COL11A1: variants seen among roughly 807,000 people sequenced by gnomAD.
COL11A1 encodes collagen alpha-1(XI) chain.
A neutral mutation model predicts 265.2 loss-of-function variants in COL11A1; 74 were observed. That is an observed-to-expected ratio of 0.28 (90% confidence interval 0.23 to 0.34). COL11A1 has a LOEUF of 0.34. Among genes scored for constraint, COL11A1 ranks in the 10% least tolerant of loss-of-function variants. The probability of loss-of-function intolerance (pLI) is 1.00; values close to 1 mark genes in which losing one functional copy is unlikely to be tolerated. For missense variants in COL11A1, 2,165 were observed against 2,263.6 expected (o/e 0.96, Z 0.88); for synonymous variants, 816 against 727.6 (o/e 1.12, Z -1.96).
intron 36 of COL11A1, 112 bp from the exon 37 acceptor site, chr1:102,970,384 T>C: frequency 1.3e-6 from 1 of 745,784 alleles, no homozygotes; most frequent in Non-Finnish European, 2.2e-6. Flanking sequence ...TTAGCTATTT[T>C]ACTTTGCTCT....
chr1:103,048,510 T>C (rs968447467), intron 4 of COL11A1, among the ~76,000 whole-genome samples: 12 of 152,208 alleles, frequency 7.9e-5, no homozygotes, highest in African/African-American at 2.9e-4. Flanking sequence ...TTAGTCTTGC[T>C]AGCAGTCTAT....
At chr1:102,911,696 G>C (rs184575489) in intron 54 of COL11A1, among the ~76,000 whole-genome samples, 1 of 152,086 alleles carries the variant, frequency 6.6e-6, no homozygotes, top group Non-Finnish European at 1.5e-5. Flanking sequence ...TACTGTTTCC[G>C]AGCCAGAGAA....
chr1:103,010,092 G>C (rs370022475), intron 14 of COL11A1, among the ~76,000 whole-genome samples: 1 of 151,922 alleles, frequency 6.6e-6, no homozygotes, highest in Admixed American at 6.6e-5. Flanking sequence ...TAAAATAATA[G>C]GGAAAAAACA....
At position 102,898,161 on chromosome 1, in the gene COL11A1, A is replaced by G. The variant is rs1363516634; in HGVS notation, c.4266T>C (p.Pro1422=). The change falls in exon 57 of 67, where the codon CCT becomes CCC. Residue 1422 remains proline (P), a synonymous_variant. Transcript: ENST00000370096. ...GTGGTCCATCTTGGCCTGCAGCTCCAGGGAGACCTTGTTCTCCCTAGAGAA... is the reference window on the plus strand; with the variant it reads ...GTGGTCCATCTTGGCCTGCAGCTCCGGGGAGACCTTGTTCTCCCTAGAGAA... The part of the protein sequence containing the change: ...IPGPVGEQGL[P]GAAGQDGPPG... 5.4e-6 allele frequency: 8 copies of G among 1,478,340 alleles called. No homozygotes were observed. The highest frequency in any genetic ancestry group is 7.2e-6 in the Non-Finnish European group (8 of 1,104,902). The allele number at this position is 1,478,340 out of a possible 1,614,324, so 91.6% of individuals were successfully genotyped here.
intron 20 of COL11A1, 23 bp from the exon 21 acceptor site, chr1:103,003,291 G>T (rs776661194): frequency 1.0e-5 from 16 of 1,605,300 alleles, no homozygotes; most frequent in African/African-American, 8.1e-5. Flanking sequence ...GAAAAAGCAC[G>T]CCTTTATTAA....
In COL11A1 at chr1:103,046,998, G is replaced by T. The variant is rs1205173436; in HGVS notation, c.652-15754C>A. Among the ~76,000 whole-genome samples the T allele has an allele frequency of 5.9e-5, 9 of 152,180 alleles. No homozygotes were observed. The South Asian group carries it at 1.9e-3, about 32-fold the overall frequency. Reference sequence around the variant, plus strand: ...TTTGGTACAAGTACCATGTTGTTTTGGTTACTGTAGCCTTGTAGTATAGTT... The same window carrying T: ...TTTGGTACAAGTACCATGTTGTTTTTGTTACTGTAGCCTTGTAGTATAGTT... On this transcript the variant is annotated intron_variant, in intron 4 of 66. Transcript: ENST00000370096.
chr1:102,931,293 T>C (rs1454841163), intron 46 of COL11A1, among the ~76,000 whole-genome samples: 2 of 151,498 alleles, frequency 1.3e-5, no homozygotes, highest in Non-Finnish European at 2.9e-5. Flanking sequence ...GTATATTGTG[T>C]CTTTGTTCTC....
chr1:102,934,748 T>A (rs1052394972), intron 45 of COL11A1, among the ~76,000 whole-genome samples, 192 bp from the exon 46 acceptor site: 2 of 152,220 alleles, frequency 1.3e-5, no homozygotes, highest in African/African-American at 4.8e-5. Flanking sequence ...TGCTTCTGGA[T>A]CATAACTGAT....
At chr1:102,930,745 T>C (rs1289025157) in intron 46 of COL11A1, among the ~76,000 whole-genome samples, 2 of 152,048 alleles carry the variant, frequency 1.3e-5, no homozygotes, top group Admixed American at 1.3e-4. Context: ...GTTGGTAAGC[T>C]ATTGATTATT....
chr1:102,963,362 A>G (rs1487185919), intron 38 of COL11A1, among the ~76,000 whole-genome samples: 1 of 152,188 alleles, frequency 6.6e-6, no homozygotes, highest in East Asian at 1.9e-4. Flanking sequence ...AAAGGCTGTA[A>G]CAAATGGTCA....
At chr1:103,088,611 T>C (rs11164669) in intron 1 of COL11A1, among the ~76,000 whole-genome samples, 75,105 of 152,112 alleles carry the variant, frequency 0.49, 21,733 homozygotes, top group East Asian at 0.92. Flanking sequence ...TTATATATTG[T>C]CCATAGCTGC....
chr1:103,008,369 C>CA lies in COL11A1; in HGVS notation c.1683+93dup, dbSNP rs79750249. 7.8e-3 allele frequency: 7,338 copies of CA among 937,462 alleles called. 44 individuals carry two copies. Among genetic ancestry groups the CA allele is most frequent in the African/African-American group, 0.044 (2,578 of 58,962 alleles). The allele number at this position is 937,462 out of a possible 1,614,324, so 58.1% of individuals were successfully genotyped here. A position where few individuals can be genotyped will look rare whatever the true frequency, so the allele number is the denominator to read the frequency against. ...ACATCAATGGAATACTACTCAGGAA[C>CA]AAAAAAAAAATTAACTATTGATGCA... On this transcript the variant is annotated intron_variant, in intron 15 of 66. Coordinates refer to ENST00000370096, the MANE Select transcript of COL11A1 (RefSeq NM_001854.4).
intron 13 of COL11A1, among the ~76,000 whole-genome samples, chr1:103,013,483 A>C (rs1054383238): frequency 6.6e-6 from 1 of 151,964 alleles, no homozygotes; most frequent in African/African-American, 2.4e-5. Flanking sequence ...AGTTATAGAA[A>C]TCTTTAGTAA....
At chr1:103,059,053 A>T (rs1250059133) in intron 4 of COL11A1, among the ~76,000 whole-genome samples, 1 of 152,180 alleles carries the variant, frequency 6.6e-6, no homozygotes, top group Non-Finnish European at 1.5e-5. Flanking sequence ...TGATGCCAAC[A>T]GACTTGCTTG....
intron 54 of COL11A1, among the ~76,000 whole-genome samples, chr1:102,905,018 A>G (rs1404110414): frequency 6.6e-6 from 1 of 152,066 alleles, no homozygotes; most frequent in East Asian, 1.9e-4. Context: ...TGTGGTACAT[A>G]TACACCATGG....
intron 30 of COL11A1, among the ~76,000 whole-genome samples, chr1:102,987,318 A>C (rs1396970542): frequency 6.6e-6 from 1 of 151,300 alleles, no homozygotes; most frequent in Non-Finnish European, 1.5e-5. Context: ...ATAAGATATT[A>C]TATTTTGCTT....
At chr1:103,033,054 G>A (rs1030811989) in intron 4 of COL11A1, among the ~76,000 whole-genome samples, 1 of 151,960 alleles carries the variant, frequency 6.6e-6, no homozygotes, top group Non-Finnish European at 1.5e-5. Flanking sequence ...CTGGCCCCTT[G>A]TAAAAATTGG....
At chr1:103,091,864 T>C (rs2102371767) in intron 1 of COL11A1, among the ~76,000 whole-genome samples, 1 of 152,146 alleles carries the variant, frequency 6.6e-6, no homozygotes, top group African/African-American at 2.4e-5. Context: ...AGACAATATA[T>C]ATCAGTAACC....
At chr1:102,914,271 G>T (rs1655039125) in intron 52 of COL11A1, 81 bp downstream of exon 52, 2 of 1,108,750 alleles carry the variant, frequency 1.8e-6, no homozygotes, top group African/African-American at 1.6e-5. Flanking sequence ...TAGGTTATTA[G>T]ATTTTTTTTT....
Sources: allele counts gnomAD v4.1 joint callset (sites outside exome capture counted in the v4.1 genomes callset), GRCh38; gene constraint gnomAD v4.1.1; transcripts MANE v1.5; gene names NCBI Gene and HGNC (gene_info 2026-07-23, HGNC 2026-07-21).